SYT1: variants seen among roughly 807,000 people sequenced by gnomAD.
The protein encoded by SYT1 is synaptotagmin-1.
Under a neutral mutation model 44.8 loss-of-function variants are expected in SYT1, and 8 were observed. That is an observed-to-expected ratio of 0.18 (90% CI 0.10 to 0.32). The LOEUF (loss-of-function observed/expected upper bound fraction) is 0.32, where lower values mean the gene tolerates loss of function less well. SYT1 is among the 10% of genes least tolerant of loss of function. The pLI, the probability that SYT1 is intolerant of heterozygous loss-of-function variation, is 1.00. For synonymous variants in SYT1, 154 were observed against 188.8 expected, an observed-to-expected ratio of 0.82 and a Z score of 1.51; for missense variants, 286 against 509.3, an observed-to-expected ratio of 0.56 and a Z score of 4.22.
Position 79,179,346 on chromosome 12 carries a change from G to GATATA in SYT1, c.-17-38157_-17-38156insATATA, listed in dbSNP as rs1565841877. Among the ~76,000 whole-genome samples the GATATA allele has an allele frequency of 1.3e-3, 11 of 8,672 alleles. 2 individuals are homozygous for GATATA. The highest frequency in any genetic ancestry group is 5.7e-3 in the East Asian group (2 of 350). 5.7% of individuals were successfully genotyped at this position (8,672 alleles called of 152,430 possible). A position where few individuals can be genotyped will look rare whatever the true frequency, so the allele number is the denominator to read the frequency against. ...GATATAGATATAGATATATCGATAT[G>GATATA]TCTATATCGATATAGATATAGATAT... On this transcript the variant is annotated intron_variant, in intron 3 of 10. Coordinates refer to ENST00000261205, the MANE Select transcript of SYT1 (RefSeq NM_005639.3).
chr12:79,171,375 T>C (rs1351741252), intron 3 of SYT1, among the ~76,000 whole-genome samples: 6 of 152,066 alleles, frequency 3.9e-5, no homozygotes, highest in African/African-American at 1.4e-4. Context: ...CTTTGAGCAG[T>C]GGTTTGCAGT....
intron 8 of SYT1, among the ~76,000 whole-genome samples, chr12:79,351,382 A>G (rs1882895567): frequency 6.6e-6 from 1 of 152,160 alleles, no homozygotes; most frequent in Non-Finnish European, 1.5e-5. Flanking sequence ...CCCTAAATTA[A>G]TCGTGGAATT....
At chr12:79,194,533 A>G (rs1319052287) in intron 3 of SYT1, among the ~76,000 whole-genome samples, 2 of 152,002 alleles carry the variant, frequency 1.3e-5, no homozygotes, top group African/African-American at 4.8e-5. Context: ...GTCCTCAAGC[A>G]ATCCCCCTGC....
chr12:79,066,573 C>G (rs1199572544), intron 3 of SYT1, among the ~76,000 whole-genome samples: 3 of 151,582 alleles, frequency 2.0e-5, no homozygotes, highest in Non-Finnish European at 4.4e-5. Context: ...AAGCTATGAG[C>G]AAAATGGCAT....
At chr12:78,883,056 A>G (rs139160475) in intron 1 of SYT1, among the ~76,000 whole-genome samples, 1,947 of 151,850 alleles carry the variant, frequency 0.013, 19 homozygotes, top group Non-Finnish European at 0.02. Flanking sequence ...TTAAAAAAAT[A>G]TCTTATTACT....
At chr12:79,085,868 C>T (rs1877344959) in intron 3 of SYT1, among the ~76,000 whole-genome samples, 1 of 152,058 alleles carries the variant, frequency 6.6e-6, no homozygotes, top group South Asian at 2.1e-4. Flanking sequence ...AGAGACATTT[C>T]AAGAAGCACT....
intron 3 of SYT1, among the ~76,000 whole-genome samples, chr12:79,151,530 T>C (rs1487101967): frequency 6.6e-6 from 1 of 152,142 alleles, no homozygotes; most frequent in Non-Finnish European, 1.5e-5. Flanking sequence ...TAATGGTTTT[T>C]AATCAGGAGA....
chr12:78,966,416 A>G (rs1879777941), intron 1 of SYT1, among the ~76,000 whole-genome samples: 2 of 152,192 alleles, frequency 1.3e-5, no homozygotes, highest in Non-Finnish European at 2.9e-5. Flanking sequence ...TCTCTAGGCC[A>G]GTGTGTGTTA....
At chr12:79,074,924 C>G (rs973630490) in intron 3 of SYT1, among the ~76,000 whole-genome samples, 1 of 152,080 alleles carries the variant, frequency 6.6e-6, no homozygotes, top group Non-Finnish European at 1.5e-5. Context: ...CTTTTTACTT[C>G]TTGTTTTCCA....
intron 2 of SYT1, among the ~76,000 whole-genome samples, chr12:79,027,878 A>G (rs1252849732): frequency 2.0e-5 from 3 of 151,370 alleles, no homozygotes; most frequent in African/African-American, 7.3e-5. Context: ...CACATCAACC[A>G]CCGGCCAAAT....
intron 8 of SYT1, among the ~76,000 whole-genome samples, chr12:79,308,958 C>A (rs1462004597): frequency 2.0e-5 from 3 of 152,266 alleles, no homozygotes; most frequent in Admixed American, 1.3e-4. Flanking sequence ...ATAGCTATTA[C>A]ATGGCAAACC....
rs376410013 is a variant in SYT1, at chr12:79,149,645, T to A, written c.-17-67858T>A. Reference sequence around the variant, plus strand: ...CTTTATGGAAAAGATTGATAAGTGATAAATTTAAAAATAGGGTGATGAGTG... The same window carrying A: ...CTTTATGGAAAAGATTGATAAGTGAAAAATTTAAAAATAGGGTGATGAGTG... On this transcript the variant is annotated intron_variant, in intron 3 of 10. Transcript: ENST00000261205. Among the ~76,000 whole-genome samples the A allele has an allele frequency of 3.7e-4, 57 of 152,266 alleles. No individual in the cohort carries two copies. In the South Asian group the frequency reaches 0.012, roughly 31 times the overall value.
intron 8 of SYT1, among the ~76,000 whole-genome samples, chr12:79,301,006 A>C (rs1271962900): frequency 6.6e-6 from 1 of 151,696 alleles, no homozygotes; most frequent in Non-Finnish European, 1.5e-5. Context: ...TTCATGAAAA[A>C]AAAAATTCGA....
intron 3 of SYT1, among the ~76,000 whole-genome samples, chr12:79,176,133 A>T (rs1871847239): frequency 6.6e-6 from 1 of 151,902 alleles, no homozygotes; most frequent in South Asian, 2.1e-4. Context: ...TCTACTAAAA[A>T]TACAAAATTA....
chr12:79,003,548 A>G lies in SYT1; in HGVS notation c.-84+25617A>G, dbSNP rs17046205. 9.9e-3 allele frequency among the ~76,000 whole-genome samples: 1,507 copies of G among 152,164 alleles called. 20 individuals are homozygous for G. The highest frequency in any genetic ancestry group is 0.035 in the African/African-American group (1,455 of 41,564). ...ATTAGAAAAAATTTAGAGATATTCA[A>G]TGAAGTTAAGTAAATAATGTAGTAG... On this transcript the variant is annotated intron_variant, in intron 2 of 10. Coordinates refer to ENST00000261205, the MANE Select transcript of SYT1 (RefSeq NM_005639.3).
At chr12:79,305,537 CA>C (rs34070535) in intron 8 of SYT1, among the ~76,000 whole-genome samples, 1,949 of 143,488 alleles carry the variant, frequency 0.014, 37 homozygotes, top group African/African-American at 0.042. Context: ...TATATGCTGA[CA>C]AAAAAAAAAA....
chr12:79,274,587 C>T (rs1057317254), intron 4 of SYT1, among the ~76,000 whole-genome samples: 1 of 152,214 alleles, frequency 6.6e-6, no homozygotes, highest in Non-Finnish European at 1.5e-5. Context: ...CTCACCCAAC[C>T]CCCACACAGC....
chr12:78,879,865 G>A (rs1474274869), intron 1 of SYT1, among the ~76,000 whole-genome samples: 1 of 151,594 alleles, frequency 6.6e-6, no homozygotes, highest in African/African-American at 2.4e-5. Context: ...TAATATTCCA[G>A]ATTTTTTTCT....
At chr12:78,909,231 T>A (rs907372329) in intron 1 of SYT1, among the ~76,000 whole-genome samples, 3 of 152,108 alleles carry the variant, frequency 2.0e-5, no homozygotes, top group African/African-American at 7.2e-5. Context: ...GTATGATTAG[T>A]TTAATTACTT....
Sources: allele counts gnomAD v4.1 joint callset (sites outside exome capture counted in the v4.1 genomes callset), GRCh38; gene constraint gnomAD v4.1.1; transcripts MANE v1.5; gene names NCBI Gene and HGNC (gene_info 2026-07-23, HGNC 2026-07-21).